Variants in MRTFB observed in about 807,000 individuals in gnomAD.
MRTFB encodes myocardin-related transcription factor B.
In MRTFB, 29 loss-of-function variants were observed where a neutral mutation model predicts 104.2. That is an observed-to-expected ratio of 0.28 (90% CI 0.21 to 0.38). The LOEUF is 0.38. Ranked by LOEUF, MRTFB falls within the 10% of genes least tolerant of loss-of-function variation. MRTFB has a pLI of 1.00. For synonymous variants in MRTFB, 535 were observed against 519.5 expected (o/e 1.03, Z -0.41); for missense variants, 1,270 against 1,341.6 (o/e 0.95, Z 0.83).
chr16:14,049,536 AT>A, the MRTFB span, among the ~76,000 whole-genome samples: 1 of 152,230 alleles, frequency 6.6e-6, no homozygotes, highest in African/African-American at 2.4e-5. Context: ...TGACAAATAA[AT>A]GCAATATGAT....
At chr16:14,202,604 A>G (rs892921329) in intron 3 of MRTFB, among the ~76,000 whole-genome samples, 12 of 152,228 alleles carry the variant, frequency 7.9e-5, no homozygotes, top group Non-Finnish European at 1.8e-4. Context: ...ATTTGGAGAA[A>G]AAAAGTGTTA....
chr16:14,100,829 A>G (rs749678705), intron 2 of MRTFB, among the ~76,000 whole-genome samples: 1 of 152,198 alleles, frequency 6.6e-6, no homozygotes, highest in Non-Finnish European at 1.5e-5. Flanking sequence ...TGTCCATTTC[A>G]TCTAAGTTGT....
intron 2 of MRTFB, among the ~76,000 whole-genome samples, chr16:14,122,695 G>A (rs549328191): frequency 2.6e-5 from 4 of 152,184 alleles, no homozygotes; most frequent in South Asian, 2.1e-4. Context: ...TATCATTGAC[G>A]GACATTTGGG....
At chr16:14,082,672 C>G (rs1415319728) in intron 2 of MRTFB, among the ~76,000 whole-genome samples, 1 of 151,998 alleles carries the variant, frequency 6.6e-6, no homozygotes, top group African/African-American at 2.4e-5. Flanking sequence ...TCCAGTTACT[C>G]AGGAGGCTAA....
In MRTFB at chr16:14,247,455, A is replaced by G. The variant is rs1399036584; in HGVS notation, c.2195A>G (p.Gln732Arg). Residue 732 changes from glutamine to arginine, a missense_variant, in exon 12 of 17, where the codon CAG (glutamine) becomes CGG (arginine). Coordinates refer to ENST00000571589, the MANE Select transcript of MRTFB (RefSeq NM_001308142.2). ...CAGCTGCTGCTCCCAGTGTCCATCC[A>G]GGGCTCGAGTGTCACCTCAGTGCAA... ...TAQLLLPVSI[Q>R]GSSVTSVQLP... 1.3e-6 allele frequency: 2 copies of G among 1,596,124 alleles called. No homozygotes were observed. The highest frequency in any genetic ancestry group is 1.7e-6 in the Non-Finnish European group (2 of 1,175,408).
chr16:14,074,144 A>G (rs1052968356), intron 1 of MRTFB, among the ~76,000 whole-genome samples: 1 of 152,174 alleles, frequency 6.6e-6, no homozygotes, highest in Non-Finnish European at 1.5e-5. Flanking sequence ...GAAAGGTGCT[A>G]TGGAAACAGA....
intron 15 of MRTFB, among the ~76,000 whole-genome samples, chr16:14,256,093 A>G (rs1296329449): frequency 2.0e-5 from 3 of 148,534 alleles, no homozygotes; most frequent in Non-Finnish European, 4.4e-5. Context: ...ATCCTGGGTG[A>G]CAAAGCGAGA....
chr16:14,113,682 A>G (rs2036391433), intron 2 of MRTFB, among the ~76,000 whole-genome samples: 1 of 152,120 alleles, frequency 6.6e-6, no homozygotes, highest in African/African-American at 2.4e-5. Context: ...GGAGAGAAAA[A>G]CTACCAGTCA....
chr16:14,063,351 T>C, the MRTFB span, among the ~76,000 whole-genome samples: 1 of 152,246 alleles, frequency 6.6e-6, no homozygotes, highest in Non-Finnish European at 1.5e-5. Context: ...CCAAATCACA[T>C]AATCTATTGT....
intron 3 of MRTFB, chr16:14,143,537 TTTTAGGGTACA>T (rs1474790313): frequency 6.6e-6 from 1 of 150,726 alleles, no homozygotes; most frequent in African/African-American, 2.5e-5. Flanking sequence ...ATACTTTAAG[TTTTAGGGTACA>T]TGTACACAAC....
At chr16:14,042,953 C>T in the MRTFB span, among the ~76,000 whole-genome samples, 12 of 152,104 alleles carry the variant, frequency 7.9e-5, no homozygotes, top group Non-Finnish European at 1.5e-5. Flanking sequence ...TTGTTTGCTC[C>T]GGTGAGTCTC....
chr16:14,028,445 C>A, the MRTFB span, among the ~76,000 whole-genome samples: 1 of 152,160 alleles, frequency 6.6e-6, no homozygotes, highest in Admixed American at 6.5e-5. Flanking sequence ...GGAAAAGCAA[C>A]AGGCAGGTGG....
chr16:14,043,412 C>T, the MRTFB span, among the ~76,000 whole-genome samples: 8 of 152,080 alleles, frequency 5.3e-5, no homozygotes, highest in East Asian at 1.4e-3. Flanking sequence ...GGCCACGAGG[C>T]ATTTCTCCTC....
At chr16:14,000,676 G>T in the MRTFB span, among the ~76,000 whole-genome samples, 1 of 152,196 alleles carries the variant, frequency 6.6e-6, no homozygotes, top group Non-Finnish European at 1.5e-5. Flanking sequence ...CACAGCTCCT[G>T]GGGGTGGCGT....
the MRTFB span, among the ~76,000 whole-genome samples, chr16:14,017,096 G>A: frequency 9.6e-4 from 119 of 124,296 alleles, no homozygotes; most frequent in African/African-American, 3.4e-3. Context: ...TCGCTCTGTT[G>A]CCCAGGCTGG....
intron 3 of MRTFB, chr16:14,200,113 G>A: frequency 1.6e-6 from 1 of 613,418 alleles, no homozygotes; most frequent in Non-Finnish European, 2.8e-6. Flanking sequence ...AGTTTTAAGG[G>A]CGTGTTCCAT....
At chr16:14,111,602 T>C (rs1428703460) in intron 2 of MRTFB, among the ~76,000 whole-genome samples, 1 of 152,098 alleles carries the variant, frequency 6.6e-6, no homozygotes, top group Non-Finnish European at 1.5e-5. Flanking sequence ...AAACTGAGAG[T>C]TGGGTATTGG....
At chr16:14,234,440 G>A (rs1021900636) in intron 9 of MRTFB, among the ~76,000 whole-genome samples, 157 bp downstream of exon 9, 2 of 152,120 alleles carry the variant, frequency 1.3e-5, no homozygotes, top group South Asian at 2.1e-4. Context: ...GCTAGACTGG[G>A]GTCTTCATGT....
chr16:14,176,076 C>G (rs1003524695), intron 3 of MRTFB, among the ~76,000 whole-genome samples: 1 of 152,142 alleles, frequency 6.6e-6, no homozygotes, highest in Non-Finnish European at 1.5e-5. Flanking sequence ...AATGGATGCA[C>G]CTTATCATCT....
Sources: gnomAD v4.1 joint callset for allele counts (sites outside exome capture counted in the v4.1 genomes callset) on GRCh38, gnomAD v4.1.1 for gene constraint, MANE v1.5 for transcripts, NCBI Gene and HGNC (gene_info 2026-07-23, HGNC 2026-07-21) for gene names.